The following TAFA1 variants were observed in gnomAD, a reference collection of about 807,000 sequenced individuals.
TAFA1 encodes the protein chemokine-like protein TAFA-1.
In TAFA1, 4 loss-of-function variants were observed where a neutral mutation model predicts 18.5. The ratio of observed to expected loss-of-function variants is 0.22; its 90% CI spans 0.11 to 0.49. The LOEUF (loss-of-function observed/expected upper bound fraction) is 0.49, where lower values mean the gene tolerates loss of function less well. Ranked by LOEUF, TAFA1 falls within the 20% of genes least tolerant of loss-of-function variation. The pLI is 0.98. For missense variants in TAFA1, 147 were observed against 169.0 expected (o/e 0.87, Z 0.72); for synonymous variants, 56 against 55.2 (o/e 1.01, Z -0.06).
chr3:68,457,657 C>G (rs563286897), intron 3 of TAFA1, among the ~76,000 whole-genome samples: 3 of 152,128 alleles, frequency 2.0e-5, no homozygotes, highest in Non-Finnish European at 4.4e-5. Flanking sequence ...GTGAGAACAC[C>G]TAAAATTTAC....
Position 68,078,957 on chromosome 3 carries a change from G to C in TAFA1, c.118+72213G>C, listed in dbSNP as rs375926997. ...ATCTGGTCCTGTACTCTTTTTGGCT[G>C]GTAAGCTATTGATTGTTGCCACAAT... On this transcript the variant is annotated intron_variant, in intron 2 of 4. Transcript: ENST00000478136. Among the ~76,000 whole-genome samples the C allele has an allele frequency of 5.3e-5, 8 of 152,278 alleles. No homozygotes were observed. The East Asian group carries it at 1.5e-3, about 29-fold the overall frequency.
At chr3:68,202,653 G>A (rs1324238825) in intron 2 of TAFA1, among the ~76,000 whole-genome samples, 2 of 151,474 alleles carry the variant, frequency 1.3e-5, no homozygotes, top group African/African-American at 4.8e-5. Flanking sequence ...ACCACTTTAT[G>A]GGTACTGTGA....
rs146573509 is a variant in TAFA1, at chr3:68,434,135, G to A, written c.259+16715G>A. Reference sequence around the variant, plus strand: ...TACAATAATCTCTATCAACAAAACTGAATTGGCAGTGAACTCTTCTAAGCA... The same window carrying A: ...TACAATAATCTCTATCAACAAAACTAAATTGGCAGTGAACTCTTCTAAGCA... On this transcript the variant is annotated intron_variant, in intron 3 of 4. Coordinates refer to ENST00000478136, the MANE Select transcript of TAFA1 (RefSeq NM_213609.4). Among the ~76,000 whole-genome samples, 438 of 152,254 alleles carry A rather than the reference G, an allele frequency of 2.9e-3. 1 individual carries two copies. Among genetic ancestry groups the A allele is most frequent in the Non-Finnish European group, 5.4e-3 (369 of 68,010 alleles).
At chr3:68,274,293 A>G (rs990464844) in intron 2 of TAFA1, among the ~76,000 whole-genome samples, 4 of 152,226 alleles carry the variant, frequency 2.6e-5, no homozygotes, top group African/African-American at 4.8e-5. Flanking sequence ...AAAAAGAGCT[A>G]TGATGAAAGT....
intron 2 of TAFA1, among the ~76,000 whole-genome samples, chr3:68,010,983 C>A (rs1038371855): frequency 3.3e-5 from 5 of 152,016 alleles, no homozygotes; most frequent in African/African-American, 7.2e-5. Context: ...TTTATAATCA[C>A]CAGGTTTTTT....
At chr3:68,104,927 G>T (rs2065187787) in intron 2 of TAFA1, among the ~76,000 whole-genome samples, 1 of 152,078 alleles carries the variant, frequency 6.6e-6, no homozygotes, top group Non-Finnish European at 1.5e-5. Context: ...AAGAAAAGAG[G>T]TTTATTTTGA....
chr3:68,065,736 G>GTATATATA (rs1411031830), intron 2 of TAFA1, among the ~76,000 whole-genome samples: 1 of 135,512 alleles, frequency 7.4e-6, no homozygotes. Context: ...GTATGTGTGT[G>GTATATATA]TGTGTATATA....
intron 3 of TAFA1, among the ~76,000 whole-genome samples, chr3:68,468,935 C>T (rs995244729): frequency 4.6e-5 from 7 of 152,076 alleles, no homozygotes; most frequent in South Asian, 2.1e-4. Context: ...ATAAATTCCA[C>T]GAGGTGTCAA....
At chr3:68,364,139 G>T (rs1490049124) in intron 2 of TAFA1, among the ~76,000 whole-genome samples, 1 of 152,212 alleles carries the variant, frequency 6.6e-6, no homozygotes, top group Non-Finnish European at 1.5e-5. Context: ...AGAATTAAGT[G>T]TAAGTGAAGG....
chr3:68,351,203 C>T (rs2069259098), intron 2 of TAFA1, among the ~76,000 whole-genome samples: 1 of 152,118 alleles, frequency 6.6e-6, no homozygotes, highest in East Asian at 1.9e-4. Flanking sequence ...AACAGCAGCA[C>T]TAGAGCAATG....
chr3:68,104,621 A>G (rs963149573), intron 2 of TAFA1, among the ~76,000 whole-genome samples: 10 of 152,120 alleles, frequency 6.6e-5, no homozygotes, highest in African/African-American at 2.4e-4. Context: ...ACTATAGCCT[A>G]GAAGCCAACT....
chr3:68,366,966 A>G, intron 2 of TAFA1, among the ~76,000 whole-genome samples: 1 of 152,168 alleles, frequency 6.6e-6, no homozygotes, highest in East Asian at 1.9e-4. Flanking sequence ...ACCCTGACTC[A>G]AGGTCTCCAG....
intron 2 of TAFA1, among the ~76,000 whole-genome samples, chr3:68,261,961 A>G (rs996306176): frequency 1.3e-5 from 2 of 150,236 alleles, no homozygotes; most frequent in Non-Finnish European, 3.0e-5. Context: ...AGTATGAGAT[A>G]ATTTGAAATA....
intron 3 of TAFA1, among the ~76,000 whole-genome samples, chr3:68,468,306 G>A (rs1231709710): frequency 3.3e-5 from 5 of 152,192 alleles, no homozygotes; most frequent in African/African-American, 1.2e-4. Context: ...GACTTGAGAG[G>A]TGGTGCTCTG....
intron 2 of TAFA1, among the ~76,000 whole-genome samples, chr3:68,415,801 T>C (rs960351680): frequency 2.6e-5 from 4 of 152,124 alleles, no homozygotes; most frequent in Non-Finnish European, 5.9e-5. Context: ...ATGAGGAAAC[T>C]AAGGCATTCA....
chr3:68,400,537 C>T (rs911657330), intron 2 of TAFA1, among the ~76,000 whole-genome samples: 12 of 152,240 alleles, frequency 7.9e-5, no homozygotes, highest in African/African-American at 2.9e-4. Flanking sequence ...AGTAATCCTC[C>T]CAACTATAAG....
At chr3:68,059,248 C>CA (rs749161353) in intron 2 of TAFA1, among the ~76,000 whole-genome samples, 12 of 152,054 alleles carry the variant, frequency 7.9e-5, no homozygotes, top group Non-Finnish European at 1.8e-4. Flanking sequence ...GCACTAATCA[C>CA]ACACTAATCA....
At chr3:68,314,545 T>C (rs2068575386) in intron 2 of TAFA1, among the ~76,000 whole-genome samples, 1 of 152,226 alleles carries the variant, frequency 6.6e-6, no homozygotes, top group African/African-American at 2.4e-5. Context: ...GATTGCTTTT[T>C]GACAAAGTAT....
At chr3:68,465,903 AG>A (rs1189720310) in intron 3 of TAFA1, among the ~76,000 whole-genome samples, 2 of 143,688 alleles carry the variant, frequency 1.4e-5, no homozygotes, top group East Asian at 4.7e-4. Flanking sequence ...CAGGGGAGTA[AG>A]GGGTGGGATA....
Sources: gnomAD v4.1 joint callset for allele counts (sites outside exome capture counted in the v4.1 genomes callset) on GRCh38, gnomAD v4.1.1 for gene constraint, MANE v1.5 for transcripts, NCBI Gene and HGNC (gene_info 2026-07-23, HGNC 2026-07-21) for gene names.